The following MAGI2 variants were observed in gnomAD, a reference collection of about 807,000 sequenced individuals.
The protein encoded by MAGI2 is membrane-associated guanylate kinase, WW and PDZ domain-containing protein 2.
Under a neutral mutation model 133.3 loss-of-function variants are expected in MAGI2, and 35 were observed. The observed-to-expected ratio is 0.26, with a 90% CI of 0.20 to 0.35. The LOEUF is 0.35. Among genes scored for constraint, MAGI2 ranks in the 10% least tolerant of loss-of-function variants. The pLI, the probability that MAGI2 is intolerant of heterozygous loss-of-function variation, is 1.00. For missense variants in MAGI2, 1,636 were observed against 1,863.4 expected, an observed-to-expected ratio of 0.88 and a Z score of 2.25; for synonymous variants, 729 against 710.6, an observed-to-expected ratio of 1.03 and a Z score of -0.41.
intron 21 of MAGI2, among the ~76,000 whole-genome samples, chr7:78,020,826 A>G (rs1808320747): frequency 6.6e-6 from 1 of 152,202 alleles, no homozygotes; most frequent in Non-Finnish European, 1.5e-5. Context: ...TTTTTTAAAA[A>G]AAATCGTCCT....
chr7:79,320,592 C>T (rs1171153115), intron 1 of MAGI2, among the ~76,000 whole-genome samples: 2 of 152,078 alleles, frequency 1.3e-5, no homozygotes, highest in South Asian at 2.1e-4. Context: ...AATGATTATT[C>T]TTTCAAGTTA....
chr7:78,466,120 T>C (rs117754539), intron 6 of MAGI2, among the ~76,000 whole-genome samples: 1 of 152,228 alleles, frequency 6.6e-6, no homozygotes, highest in Non-Finnish European at 1.5e-5. Context: ...TAAGCCACTT[T>C]GCCCTCAATT....
chr7:78,826,571 G>T (rs779211695), intron 2 of MAGI2, among the ~76,000 whole-genome samples: 1 of 152,066 alleles, frequency 6.6e-6, no homozygotes, highest in Non-Finnish European at 1.5e-5. Context: ...ACGCGTGATG[G>T]TGTAATGTTG....
chr7:79,437,920 A>C lies in MAGI2; in HGVS notation c.301+15100T>G, dbSNP rs556406475. Among the ~76,000 whole-genome samples, 83 of 152,244 alleles carry C rather than the reference A, an allele frequency of 5.5e-4. No individual in the cohort carries two copies. The South Asian group carries it at 0.017, about 31-fold the overall frequency. The stretch of plus-strand genomic sequence containing the variant: ...CCATTAAGAAAAACTCAATTTAAGA[A>C]GATTGGTTTGTATATTATTATAGAT... On this transcript the variant is annotated intron_variant, in intron 1 of 21. Transcript: ENST00000354212.
chr7:78,570,357 T>C (rs1801378311), intron 3 of MAGI2, among the ~76,000 whole-genome samples: 1 of 152,182 alleles, frequency 6.6e-6, no homozygotes, highest in Non-Finnish European at 1.5e-5. Context: ...TAAAATCATC[T>C]AGACAGACCA....
chr7:78,687,274 G>C (rs150781028), intron 2 of MAGI2, among the ~76,000 whole-genome samples: 112 of 152,232 alleles, frequency 7.4e-4, no homozygotes, highest in South Asian at 1.7e-3. Flanking sequence ...TATACCACAT[G>C]ACTCACCCCT....
intron 2 of MAGI2, among the ~76,000 whole-genome samples, chr7:78,765,379 G>A (rs867535384): frequency 3.7e-5 from 4 of 107,554 alleles, no homozygotes; most frequent in East Asian, 6.3e-4. Context: ...ACAGAGTCTC[G>A]CTCTTGTCAA....
At chr7:79,429,263 T>C (rs1475599036) in intron 1 of MAGI2, among the ~76,000 whole-genome samples, 1 of 152,186 alleles carries the variant, frequency 6.6e-6, no homozygotes, top group Non-Finnish European at 1.5e-5. Flanking sequence ...ATAAACCTTA[T>C]TGACAAGTCA....
At chr7:78,584,702 A>T (rs1398004687) in intron 3 of MAGI2, among the ~76,000 whole-genome samples, 3 of 152,180 alleles carry the variant, frequency 2.0e-5, no homozygotes, top group Non-Finnish European at 4.4e-5. Context: ...CTGGCACCTT[A>T]TAAGCCCTGC....
At chr7:78,360,630 C>T (rs775791291) in intron 7 of MAGI2, among the ~76,000 whole-genome samples, 15 of 152,188 alleles carry the variant, frequency 9.9e-5, no homozygotes, top group Admixed American at 1.3e-4. Context: ...TGGTGAGTGG[C>T]AAACAGGATT....
At chr7:78,870,811 C>T (rs1466836479) in intron 2 of MAGI2, among the ~76,000 whole-genome samples, 1 of 152,052 alleles carries the variant, frequency 6.6e-6, no homozygotes, top group Non-Finnish European at 1.5e-5. Context: ...TGCCCATCAA[C>T]CAACAAATGG....
chr7:78,021,509 C>A (rs1808393559), intron 21 of MAGI2, among the ~76,000 whole-genome samples: 1 of 152,180 alleles, frequency 6.6e-6, no homozygotes, highest in South Asian at 2.1e-4. Context: ...TTGTTTGAAA[C>A]TTGAGGGTTC....
rs188778895 is a variant in MAGI2 at position 78,919,476 on chromosome 7, T to C, written c.418+87614A>G. 7.9e-5 allele frequency among the ~76,000 whole-genome samples: 12 copies of C among 152,208 alleles called. No homozygotes were observed. In the East Asian group the frequency reaches 2.3e-3, roughly 29 times the overall value. Reference sequence around the variant, plus strand: ...GCATGATGTGTTTAACTATTTACGATAGGAGAAAAAAGCATCAAATAATTA... The same window carrying C: ...GCATGATGTGTTTAACTATTTACGACAGGAGAAAAAAGCATCAAATAATTA... On this transcript the variant is annotated intron_variant, in intron 2 of 21. Coordinates refer to ENST00000354212, the MANE Select transcript of MAGI2 (RefSeq NM_012301.4).
intron 6 of MAGI2, among the ~76,000 whole-genome samples, chr7:78,386,706 T>G (rs570515165): frequency 6.6e-6 from 1 of 152,172 alleles, no homozygotes; most frequent in Non-Finnish European, 1.5e-5. Context: ...TATATCATAT[T>G]GAGCAGTGAC....
chr7:79,358,588 CTT>C (rs911042703), intron 1 of MAGI2, among the ~76,000 whole-genome samples: 4 of 152,078 alleles, frequency 2.6e-5, no homozygotes, highest in African/African-American at 9.7e-5. Flanking sequence ...GTCTAGAAAA[CTT>C]AGCTTTCCCT....
intron 1 of MAGI2, among the ~76,000 whole-genome samples, chr7:79,022,922 T>C (rs1366656183): frequency 1.3e-5 from 2 of 152,104 alleles, no homozygotes; most frequent in East Asian, 3.9e-4. Flanking sequence ...CTACCAGATA[T>C]ATAAGGAAGA....
intron 1 of MAGI2, among the ~76,000 whole-genome samples, chr7:79,397,373 C>T (rs1441013978): frequency 2.0e-5 from 3 of 151,460 alleles, no homozygotes; most frequent in Admixed American, 6.6e-5. Context: ...CCTAAAATTC[C>T]CTGTTTGAAT....
At chr7:78,129,876 G>A (rs1251995058) in intron 18 of MAGI2, among the ~76,000 whole-genome samples, 2 of 139,118 alleles carry the variant, frequency 1.4e-5, no homozygotes, top group East Asian at 2.1e-4. Flanking sequence ...CAGAGGTTGC[G>A]GTGAGCCGAG....
intron 9 of MAGI2, among the ~76,000 whole-genome samples, chr7:78,286,811 G>C (rs192409230): frequency 8.5e-5 from 13 of 152,264 alleles, no homozygotes; most frequent in African/African-American, 2.9e-4. Context: ...ATCAGGAACT[G>C]GTGGTGGGGA....
Sources: gnomAD v4.1 joint callset for allele counts (sites outside exome capture counted in the v4.1 genomes callset) on GRCh38, gnomAD v4.1.1 for gene constraint, MANE v1.5 for transcripts, NCBI Gene and HGNC (gene_info 2026-07-23, HGNC 2026-07-21) for gene names.